The following ADGRL2 variants were observed in gnomAD, a reference collection of about 807,000 sequenced individuals.
The protein encoded by ADGRL2 is adhesion G protein-coupled receptor L2.
Under a neutral mutation model 157.4 loss-of-function variants are expected in ADGRL2, and 44 were observed. That is an observed-to-expected ratio of 0.28 (90% CI 0.22 to 0.36). The LOEUF (loss-of-function observed/expected upper bound fraction) is 0.36. Among genes scored for constraint, ADGRL2 ranks in the 10% least tolerant of loss-of-function variants. The probability of loss-of-function intolerance (pLI) is 1.00; values close to 1 mark genes in which losing one functional copy is unlikely to be tolerated. For synonymous variants in ADGRL2, 585 were observed against 624.7 expected, an observed-to-expected ratio of 0.94 and a Z score of 0.95; for missense variants, 1,510 against 1,768.9, an observed-to-expected ratio of 0.85 and a Z score of 2.63.
intron 1 of ADGRL2, among the ~76,000 whole-genome samples, chr1:81,330,812 G>T (rs1661221305): frequency 6.6e-6 from 1 of 152,164 alleles, no homozygotes; most frequent in African/African-American, 2.4e-5. Flanking sequence ...GCAAAAAAGT[G>T]TTTAAGGTCC....
intron 8 of ADGRL2, 122 bp from the exon 9 acceptor site, chr1:81,951,835 C>T: frequency 1.7e-6 from 1 of 602,234 alleles, no homozygotes; most frequent in South Asian, 2.7e-5. Flanking sequence ...TCATCAGTCT[C>T]AATTAGTTGG....
intron 2 of ADGRL2, among the ~76,000 whole-genome samples, chr1:81,453,423 A>T (rs949341640): frequency 6.6e-6 from 1 of 152,166 alleles, no homozygotes; most frequent in Non-Finnish European, 1.5e-5. Flanking sequence ...GCTGTTAAGG[A>T]CTTAATATGC....
intron 2 of ADGRL2, among the ~76,000 whole-genome samples, chr1:81,474,027 G>A (rs2078224661): frequency 6.6e-6 from 1 of 151,970 alleles, no homozygotes; most frequent in African/African-American, 2.4e-5. Context: ...AGAAGAAGAG[G>A]GAGAACAAGG....
In ADGRL2 at chr1:81,968,042, A is replaced by G. The variant is rs1477185157; in HGVS notation, c.2366A>G (p.Asn789Ser). The G allele has an allele frequency of 1.9e-6, 3 of 1,613,782 alleles. No individual in the cohort carries two copies. The African/African-American group carries it at 4.0e-5, about 22-fold the overall frequency. The change falls in exon 14 of 24, where the codon AAT (asparagine) becomes AGT (serine). Residue 789 changes from asparagine (N) to serine (S), a missense_variant. Physicochemically the swap from Asn to Ser is conservative, Grantham distance 46. This residue lies in a region of ADGRL2 where 497 missense variants were observed against 627.2 expected (regional missense o/e 0.79). Coordinates refer to ENST00000686636, the MANE Select transcript of ADGRL2 (RefSeq NM_001366006.2). ...ATTTCCCAGCCTGACAATTATTTCA[A>G]TGCAAACTGCTCCTTCTGGAACTAC... is the stretch of plus-strand genomic sequence containing the variant. ...LPHIDPDNYFNANCSFWNYSE... is the reference protein window; with the variant it reads ...LPHIDPDNYFSANCSFWNYSE...
intron 1 of ADGRL2, among the ~76,000 whole-genome samples, chr1:81,811,693 G>A (rs186715041): frequency 1.3e-5 from 2 of 151,740 alleles, no homozygotes; most frequent in Admixed American, 1.3e-4. Flanking sequence ...AATGAAAATA[G>A]ATTTTTCATA....
At chr1:81,776,277 C>T (rs1194146237) in intron 2 of ADGRL2, among the ~76,000 whole-genome samples, 1 of 151,856 alleles carries the variant, frequency 6.6e-6, no homozygotes, top group Non-Finnish European at 1.5e-5. Context: ...CAACCTCTGC[C>T]TCTCGAGTTC....
intron 2 of ADGRL2, chr1:81,506,437 G>C (rs564332939): frequency 3.3e-5 from 5 of 152,122 alleles, no homozygotes; most frequent in African/African-American, 9.7e-5. Context: ...GGCCAGGCGC[G>C]GTGTATCAAA....
At chr1:81,817,501 G>A (rs900847372) in intron 1 of ADGRL2, among the ~76,000 whole-genome samples, 5 of 151,796 alleles carry the variant, frequency 3.3e-5, no homozygotes, top group African/African-American at 9.7e-5. Context: ...ATTGAAGATC[G>A]TTCTCAATTC....
chr1:81,447,210 T>C (rs1184394078), intron 2 of ADGRL2, among the ~76,000 whole-genome samples: 2 of 151,994 alleles, frequency 1.3e-5, no homozygotes, highest in African/African-American at 4.8e-5. Context: ...AGATGATACT[T>C]ACGTGAATTT....
At chr1:81,429,557 T>A (rs1246142684) in intron 1 of ADGRL2, among the ~76,000 whole-genome samples, 5 of 152,220 alleles carry the variant, frequency 3.3e-5, no homozygotes, top group African/African-American at 1.2e-4. Flanking sequence ...TTCAAATTGG[T>A]TGCAGTAAAG....
chr1:81,393,019 T>A (rs1484215206), intron 1 of ADGRL2, among the ~76,000 whole-genome samples: 1 of 152,136 alleles, frequency 6.6e-6, no homozygotes, highest in Non-Finnish European at 1.5e-5. Context: ...TTTGATAACA[T>A]CTGCACATGA....
intron 3 of ADGRL2, among the ~76,000 whole-genome samples, chr1:81,624,698 AT>A (rs1427026165): frequency 1.3e-5 from 2 of 152,250 alleles, no homozygotes; most frequent in Non-Finnish European, 2.9e-5. Context: ...TCAAGTTTAA[AT>A]AGTTCAAGCC....
At chr1:81,857,212 G>T (rs1012651772) in intron 2 of ADGRL2, among the ~76,000 whole-genome samples, 3 of 152,106 alleles carry the variant, frequency 2.0e-5, no homozygotes, top group Non-Finnish European at 4.4e-5. Context: ...TTCATTCCCA[G>T]GTATGCCTGA....
chr1:81,603,565 CTT>C (rs1392994538), intron 3 of ADGRL2, among the ~76,000 whole-genome samples: 4 of 152,164 alleles, frequency 2.6e-5, no homozygotes, highest in Non-Finnish European at 5.9e-5. Context: ...AAACTGCAAA[CTT>C]TTACATTTTT....
intron 2 of ADGRL2, among the ~76,000 whole-genome samples, chr1:81,791,478 G>A (rs1313845170): frequency 6.6e-6 from 1 of 152,098 alleles, no homozygotes; most frequent in Non-Finnish European, 1.5e-5. Context: ...GTGAAATTAT[G>A]TCCTCTCTAG....
At chr1:81,351,010 A>G (rs1662843594) in intron 1 of ADGRL2, among the ~76,000 whole-genome samples, 2 of 152,202 alleles carry the variant, frequency 1.3e-5, no homozygotes, top group Non-Finnish European at 2.9e-5. Context: ...AAAATCTGGA[A>G]CATATTTCCC....
upstream of ADGRL2, among the ~76,000 whole-genome samples, chr1:81,694,912 A>G (rs1460995665): frequency 6.6e-6 from 1 of 152,198 alleles, no homozygotes; most frequent in East Asian, 1.9e-4. Context: ...ACATATGTAC[A>G]TATATGCATC....
chr1:81,832,610 A>C (rs2150119716), intron 1 of ADGRL2, among the ~76,000 whole-genome samples: 1 of 152,370 alleles, frequency 6.6e-6, no homozygotes, highest in Non-Finnish European at 1.5e-5. Context: ...TAAATAGTTT[A>C]ATTAATGTCC....
At chr1:81,439,975 T>C (rs2077477584) in intron 1 of ADGRL2, among the ~76,000 whole-genome samples, 1 of 152,166 alleles carries the variant, frequency 6.6e-6, no homozygotes, top group African/African-American at 2.4e-5. Flanking sequence ...TCAGGCTGTC[T>C]CCTCCTCTAC....
Sources: allele counts gnomAD v4.1 joint callset (sites outside exome capture counted in the v4.1 genomes callset), GRCh38; gene constraint gnomAD v4.1.1; regional missense constraint gnomAD v4.1.1; transcripts MANE v1.5; gene names NCBI Gene and HGNC (gene_info 2026-07-23, HGNC 2026-07-21).